Variants in INTS12 observed in about 807,000 individuals in gnomAD.
INTS12 encodes the protein integrator complex subunit 12, also known as PHD finger protein 22.
INTS12 carries 13 observed loss-of-function variants against 41.6 expected under a neutral mutation model. That is an observed-to-expected ratio of 0.31 (90% CI 0.20 to 0.50). The LOEUF (loss-of-function observed/expected upper bound fraction) is 0.50. Ranked by LOEUF, INTS12 falls within the 20% of genes least tolerant of loss-of-function variation. The pLI is 0.98. For missense variants in INTS12, 432 were observed against 541.6 expected (o/e 0.80, Z 2.01); for synonymous variants, 199 against 191.4 (o/e 1.04, Z -0.33).
At chr4:105,691,666 G>T (rs549647432) in intron 6 of INTS12, among the ~76,000 whole-genome samples, 1 of 152,260 alleles carries the variant, frequency 6.6e-6, no homozygotes, top group Admixed American at 6.5e-5. Flanking sequence ...TCTCAGTGCT[G>T]CATGGTATTT....
rs760300690 is a variant in INTS12 at position 105,692,138 on chromosome 4, A to G, written c.498-3T>C. The G allele has an allele frequency of 6.2e-7, 1 of 1,609,334 alleles. No individual in the cohort carries two copies. Among genetic ancestry groups the G allele is most frequent in the South Asian group, 1.1e-5 (1 of 89,972 alleles). On this transcript the variant is annotated splice_region_variant and splice_polypyrimidine_tract_variant and intron_variant, in intron 5 of 7. Transcript: ENST00000340139. Reference sequence around the variant, plus strand: ...TGCCAGATGCCACCATCATTTGCCTAAGAAAACATACCATTAAACATTACA... The same window carrying G: ...TGCCAGATGCCACCATCATTTGCCTGAGAAAACATACCATTAAACATTACA...
In INTS12 at chr4:105,682,999, G is replaced by A. The variant is rs1227100530; in HGVS notation, c.1123C>T (p.Arg375Cys). The part of the protein sequence containing the change: ...PLTLGKTGLS[R>C]SVSCDNVSKV... Reference sequence around the variant, plus strand: ...CTGACATTGTCACAACTAACTGAGCGACTAAGGCCAGTTTTACCCAAGGTT... The same window carrying A: ...CTGACATTGTCACAACTAACTGAGCAACTAAGGCCAGTTTTACCCAAGGTT... Residue 375 changes from arginine to cysteine, a missense_variant, in exon 8 of 8, where the codon CGC becomes TGC. Physicochemically the swap from Arg to Cys is radical, Grantham distance 180 (BLOSUM62 -3). This residue lies in a region of INTS12 where 258 missense variants were observed against 309.9 expected (regional missense o/e 0.83). Transcript: ENST00000340139. 5 of 1,614,100 alleles carry A rather than the reference G, an allele frequency of 3.1e-6. No individual in the cohort carries two copies. The South Asian group carries it at 3.3e-5, about 11-fold the overall frequency.
chr4:105,697,276 C>T lies in INTS12; in HGVS notation c.157-1608G>A, dbSNP rs533612581. Among the ~76,000 whole-genome samples the T allele has an allele frequency of 6.6e-5, 10 of 152,310 alleles. No homozygotes were observed. The East Asian group carries it at 1.5e-3, about 24-fold the overall frequency. ...GCAGCTCTTGGAATTCCCCCTCCCC[C>T]AAAAGGAGGGCACTTTCCCATCATT... On this transcript the variant is annotated intron_variant, in intron 3 of 7. Transcript: ENST00000340139.
In INTS12 at chr4:105,691,994, G is replaced by T; in HGVS notation, c.639C>A (p.Thr213=). 4 of 1,556,878 alleles carry T rather than the reference G, an allele frequency of 2.6e-6. No individual in the cohort carries two copies. Among genetic ancestry groups the T allele is most frequent in the Non-Finnish European group, 3.5e-6 (4 of 1,152,042 alleles). ...TTCCTACCATTCTTTTCATTTGTCTGGTACATCGGGCACAATACCACACCA... is the reference window on the plus strand; with the variant it reads ...TTCCTACCATTCTTTTCATTTGTCTTGTACATCGGGCACAATACCACACCA... ...PRLVWYCARC[T]RQMKRMAQKT... is the part of the protein sequence containing the mutation. The change falls in exon 6 of 8, where the codon ACC becomes ACA. Residue 213 remains threonine, a synonymous_variant. Coordinates refer to ENST00000340139, the MANE Select transcript of INTS12 (RefSeq NM_020395.4).
chr4:105,684,505 G>T (rs1731435561), intron 7 of INTS12, among the ~76,000 whole-genome samples: 1 of 151,964 alleles, frequency 6.6e-6, no homozygotes. Flanking sequence ...CTTCAATATT[G>T]TCTGCATGCA....
chr4:105,686,723 G>T lies in INTS12; in HGVS notation c.773C>A (p.Thr258Asn). Residue 258 changes from threonine to asparagine, a missense_variant, in exon 7 of 8, where the codon ACT becomes AAT. Physicochemically the swap from Thr to Asn is moderately conservative, Grantham distance 65 (BLOSUM62 0). Around this residue, in one of 3 missense-constraint regions of INTS12, gnomAD observed 258 missense variants for 309.9 expected, o/e 0.83. Coordinates refer to ENST00000340139, the MANE Select transcript of INTS12 (RefSeq NM_020395.4). ...TTCTGTTCTCTTAAACGCTAGAAAA[G>T]TTGTCTCTTGTTTCAGTTTAGTTTC... ...KPETKLKQET[T>N]FLAFKRTEVK... is the part of the protein sequence containing the mutation. 1 of 1,613,022 alleles carries T rather than the reference G, an allele frequency of 6.2e-7. No homozygotes were observed. The highest frequency in any genetic ancestry group is 8.5e-7 in the Non-Finnish European group (1 of 1,179,264).
chr4:105,703,412 G>A (rs187811856), intron 2 of INTS12, among the ~76,000 whole-genome samples: 22 of 152,190 alleles, frequency 1.4e-4, no homozygotes, highest in Non-Finnish European at 3.2e-4. Flanking sequence ...CACAAAAATC[G>A]CCATTACTGA....
chr4:105,691,913 G>A (rs371972946), intron 6 of INTS12, 63 bp downstream of exon 6: 3 of 1,214,776 alleles, frequency 2.5e-6, no homozygotes. Context: ...TCTTTGTTTT[G>A]AAAGCACATA....
At chr4:105,698,439 T>C (rs1385637979) in intron 3 of INTS12, among the ~76,000 whole-genome samples, 4 of 152,340 alleles carry the variant, frequency 2.6e-5, no homozygotes, top group African/African-American at 9.6e-5. Context: ...TTCTGAAAAC[T>C]GATCAAGAGA....
intron 3 of INTS12, among the ~76,000 whole-genome samples, chr4:105,696,890 C>T (rs1287275431): frequency 6.6e-6 from 1 of 152,150 alleles, no homozygotes; most frequent in Admixed American, 6.5e-5. Context: ...TGTAGATGTT[C>T]TAATAGGTAT....
In INTS12 at chr4:105,695,562, G is replaced by C; in HGVS notation, c.263C>G (p.Thr88Arg). The C allele has an allele frequency of 6.2e-7, 1 of 1,612,812 alleles. No homozygotes were observed. Among genetic ancestry groups the C allele is most frequent in the Non-Finnish European group, 8.5e-7 (1 of 1,179,440 alleles). Residue 88 changes from threonine to arginine, a missense_variant, in exon 4 of 8, where the codon ACA becomes AGA. By Grantham distance (71) the Thr-to-Arg change is moderately conservative (BLOSUM62 -1). Around this residue, in one of 3 missense-constraint regions of INTS12, gnomAD observed 168 missense variants for 198.9 expected, o/e 0.84. Coordinates refer to ENST00000340139, the MANE Select transcript of INTS12 (RefSeq NM_020395.4). ...AGCTTCCTTCTTTACCTTTTCAGTT[G>C]TGAGGACCTTGCCATTATTATTACC... ...PSGNNNGKVL[T>R]TEKVKKEAEK...
intron 2 of INTS12, 34 bp from the exon 3 acceptor site, chr4:105,700,048 C>A (rs751890939): frequency 2.2e-6 from 3 of 1,364,212 alleles, no homozygotes; most frequent in Non-Finnish European, 2.9e-6. Context: ...ATCTAGAAGA[C>A]AATGCACAAT....
intron 6 of INTS12, among the ~76,000 whole-genome samples, chr4:105,691,500 T>C (rs1482459910): frequency 6.6e-6 from 1 of 152,190 alleles, no homozygotes; most frequent in Non-Finnish European, 1.5e-5. Flanking sequence ...AAGGAAAGAC[T>C]AAGCAACAGA....
chr4:105,706,361 C>G (rs1732263181), intron 1 of INTS12: 1 of 149,638 alleles, frequency 6.7e-6, no homozygotes, highest in African/African-American at 2.5e-5. Flanking sequence ...CTCAAGTGAT[C>G]CTCCTGCCTC....
At position 105,682,771 on chromosome 4, in the gene INTS12, C is replaced by T; in HGVS notation, c.1351G>A (p.Val451Ile). The T allele has an allele frequency of 6.2e-7, 1 of 1,614,050 alleles. No individual in the cohort carries two copies. The highest frequency in any genetic ancestry group is 8.5e-7 in the Non-Finnish European group (1 of 1,179,934). ...QLNAMKRLQM[V>I]KKKAAQKKLK... ...TTCTTTTGGGCAGCTTTCTTCTTGA[C>T]CATCTGTAATCGCTTCATAGCATTG... is the stretch of plus-strand genomic sequence containing the variant. Residue 451 changes from valine to isoleucine, a missense_variant, in exon 8 of 8, where the codon GTC becomes ATC. Transcript: ENST00000340139.
At position 105,695,608 on chromosome 4, in the gene INTS12, T is replaced by C. The variant is rs189330446; in HGVS notation, c.217A>G (p.Ile73Val). Reference protein sequence around the residue: ...KNISIKQEPKISSSLPSGNNN... With the variant: ...KNISIKQEPKVSSSLPSGNNN... ...TTACCAGAAGGAAGACTGGATGATA[T>C]TTTGGGCTCTTGCTTAATGGAAATG... The change falls in exon 4 of 8, where the codon ATA becomes GTA. Residue 73 changes from isoleucine to valine, a missense_variant. Physicochemically the swap from Ile to Val is conservative, Grantham distance 29. Transcript: ENST00000340139. The C allele has an allele frequency of 1.4e-5, 23 of 1,613,352 alleles. No individual in the cohort carries two copies. The Admixed American group carries it at 2.3e-4, about 16-fold the overall frequency.
At chr4:105,683,347 G>A in intron 7 of INTS12, 30 bp from the exon 8 acceptor site, 1 of 1,489,490 alleles carries the variant, frequency 6.7e-7, no homozygotes, top group Non-Finnish European at 9.1e-7. Flanking sequence ...AATTACATTA[G>A]AGCCAAGTTT....
chr4:105,704,261 C>T (rs1213240396), intron 1 of INTS12, among the ~76,000 whole-genome samples: 1 of 152,122 alleles, frequency 6.6e-6, no homozygotes, highest in Non-Finnish European at 1.5e-5. Flanking sequence ...TACGATTGTC[C>T]CTCCTACTTC....
chr4:105,700,249 C>T (rs1270750796), intron 2 of INTS12: 8 of 256,004 alleles, frequency 3.1e-5, no homozygotes, highest in East Asian at 6.9e-5. Flanking sequence ...GTATCCATAT[C>T]GATGGTAACG....
Sources: gnomAD v4.1 joint callset for allele counts (sites outside exome capture counted in the v4.1 genomes callset) on GRCh38, gnomAD v4.1.1 for gene constraint, gnomAD v4.1.1 regional missense constraint, MANE v1.5 for transcripts, NCBI Gene and HGNC (gene_info 2026-07-23, HGNC 2026-07-21) for gene names.